The following TENM4 variants were observed in gnomAD, a reference collection of about 807,000 sequenced individuals.
TENM4 encodes teneurin-4.
Under a neutral mutation model 243.3 loss-of-function variants are expected in TENM4, and 82 were observed. The ratio of observed to expected loss-of-function variants is 0.34; its 90% CI spans 0.28 to 0.40. The LOEUF (loss-of-function observed/expected upper bound fraction) is 0.40, where lower values mean the gene tolerates loss of function less well. Among genes scored for constraint, TENM4 ranks in the 10% least tolerant of loss-of-function variants. The pLI is 1.00. For synonymous variants in TENM4, 1,412 were observed against 1,456.3 expected (o/e 0.97, Z 0.69); for missense variants, 3,138 against 3,673.3 (o/e 0.85, Z 3.77).
At chr11:79,157,870 G>A (rs1862656317) in intron 3 of TENM4, among the ~76,000 whole-genome samples, 2 of 152,166 alleles carry the variant, frequency 1.3e-5, no homozygotes, top group Admixed American at 1.3e-4. Flanking sequence ...ACAGCAGCAG[G>A]GAACCAGCAA....
intron 23 of TENM4, among the ~76,000 whole-genome samples, chr11:78,724,614 T>C (rs930391316): frequency 6.6e-6 from 1 of 152,194 alleles, no homozygotes; most frequent in Non-Finnish European, 1.5e-5. Context: ...ACACATGGTA[T>C]GTGGCAGAAA....
chr11:78,988,020 T>C (rs1311291332), intron 6 of TENM4, among the ~76,000 whole-genome samples: 1 of 152,228 alleles, frequency 6.6e-6, no homozygotes, highest in African/African-American at 2.4e-5. Flanking sequence ...CTTCACTTTC[T>C]GATATTCACG....
At position 79,177,377 on chromosome 11, in the gene TENM4, CT is replaced by C. The variant is rs568568755; in HGVS notation, c.-162-28572del. On this transcript the variant is annotated intron_variant, in intron 3 of 33. Transcript: ENST00000278550. ...CCCTCCCCTCCTTTCCTCTCCTTTTCTTTTTTTTTCTTTTCTTTCCTTTTCC... is the reference window on the plus strand; with the variant it reads ...CCCTCCCCTCCTTTCCTCTCCTTTTCTTTTTTTTCTTTTCTTTCCTTTTCC... 1.1e-4 allele frequency among the ~76,000 whole-genome samples: 17 copies of C among 150,918 alleles called. No homozygotes were observed. In the South Asian group the frequency reaches 1.5e-3, roughly 13 times the overall value.
intron 1 of TENM4, among the ~76,000 whole-genome samples, chr11:79,401,757 T>A (rs1858466819): frequency 1.3e-5 from 2 of 152,208 alleles, no homozygotes; most frequent in South Asian, 4.1e-4. Flanking sequence ...GGATCTTTGA[T>A]CTGGGGGACC....
chr11:79,024,237 C>T (rs913918553), intron 6 of TENM4, among the ~76,000 whole-genome samples: 9 of 152,196 alleles, frequency 5.9e-5, no homozygotes, highest in Non-Finnish European at 2.9e-5. Context: ...CCTCTGTTGG[C>T]TGTGCCTCAG....
intron 1 of TENM4, among the ~76,000 whole-genome samples, chr11:79,317,769 G>A (rs895430281): frequency 6.6e-6 from 1 of 152,136 alleles, no homozygotes; most frequent in Non-Finnish European, 1.5e-5. Context: ...ACGCCCCAAT[G>A]TCCCAAAATA....
At chr11:78,999,027 G>A (rs1033523720) in intron 6 of TENM4, among the ~76,000 whole-genome samples, 1 of 152,142 alleles carries the variant, frequency 6.6e-6, no homozygotes, top group Non-Finnish European at 1.5e-5. Flanking sequence ...ATCTCCATTG[G>A]CAGAACATCT....
Position 79,440,840 on chromosome 11 carries a change from T to A in TENM4, c.-652A>T, listed in dbSNP as rs1014863306. ...GAGGCTTCTGGGGGGTTGGGGCGGG[T>A]GTGTGCGCGCGCGTGTGTGAGTGTG... is the stretch of plus-strand genomic sequence containing the variant. On this transcript the variant is annotated 5_prime_UTR_variant, in exon 1 of 34. Transcript: ENST00000278550. The surrounding 1 kb of genome is among the most constrained non-coding windows in gnomAD (Gnocchi z 4.7). The A allele has an allele frequency of 7.2e-6, 1 of 139,596 alleles. No individual in the cohort carries two copies. The highest frequency in any genetic ancestry group is 1.5e-5 in the Non-Finnish European group (1 of 64,682). 8.6% of individuals were successfully genotyped at this position (139,596 alleles called of 1,614,324 possible). A position where few individuals can be genotyped will look rare whatever the true frequency, so the allele number is the denominator to read the frequency against.
chr11:79,433,779 G>A (rs1471672853), intron 1 of TENM4, among the ~76,000 whole-genome samples: 1 of 152,148 alleles, frequency 6.6e-6, no homozygotes, highest in Non-Finnish European at 1.5e-5. Flanking sequence ...GCTCTGATTT[G>A]ATGTTCAGAA....
chr11:79,279,641 CTCTCTACTCTT>C lies in TENM4; in HGVS notation c.-265+17836_-265+17846del, dbSNP rs1856121071. ...TCCTATCCCACTGCCCCATAGCTGC[CTCTCTACTCTT>C]TATTCCTGTTCCACTGAGCCTCTCC... On this transcript the variant is annotated intron_variant, in intron 2 of 33. Transcript: ENST00000278550. Among the ~76,000 whole-genome samples, 3 of 152,124 alleles carry C rather than the reference CTCTCTACTCTT, an allele frequency of 2.0e-5. No individual in the cohort carries two copies. The South Asian group carries it at 6.2e-4, about 32-fold the overall frequency.
intron 6 of TENM4, among the ~76,000 whole-genome samples, chr11:78,943,195 C>T (rs1856940424): frequency 6.6e-6 from 1 of 152,184 alleles, no homozygotes; most frequent in Non-Finnish European, 1.5e-5. Context: ...TAGGTGGCAA[C>T]CCCCAAGCTA....
chr11:79,218,226 C>A (rs1171687991), intron 2 of TENM4, among the ~76,000 whole-genome samples: 1 of 64,344 alleles, frequency 1.6e-5, no homozygotes, highest in Non-Finnish European at 4.0e-5. Context: ...GAAGTTTACC[C>A]CCTGCCCACC....
intron 3 of TENM4, among the ~76,000 whole-genome samples, chr11:79,172,387 A>G (rs1863064726): frequency 6.6e-6 from 1 of 152,180 alleles, no homozygotes; most frequent in Non-Finnish European, 1.5e-5. Context: ...TCACTTATCC[A>G]TTTATTCAAC....
intron 4 of TENM4, among the ~76,000 whole-genome samples, chr11:79,132,307 C>CT (rs1336248036): frequency 1.6e-5 from 2 of 123,788 alleles, no homozygotes; most frequent in Non-Finnish European, 1.6e-5. Flanking sequence ...GATAGCGCCA[C>CT]TGCAGTCTGG....
chr11:78,832,083 G>C (rs1017549415), intron 12 of TENM4, among the ~76,000 whole-genome samples: 1 of 152,194 alleles, frequency 6.6e-6, no homozygotes, highest in African/African-American at 2.4e-5. Flanking sequence ...CAGCTGGGTG[G>C]CTGCAGAACC....
At chr11:79,225,571 C>G (rs1864247376) in intron 2 of TENM4, among the ~76,000 whole-genome samples, 1 of 152,134 alleles carries the variant, frequency 6.6e-6, no homozygotes, top group Non-Finnish European at 1.5e-5. Flanking sequence ...ACCATGCTGG[C>G]TACTTTTTTT....
intron 1 of TENM4, among the ~76,000 whole-genome samples, chr11:79,403,733 A>G (rs554053861): frequency 1.1e-4 from 16 of 152,294 alleles, no homozygotes; most frequent in African/African-American, 3.8e-4. Context: ...GCACATGAAG[A>G]ATCTGAGTCA....
intron 6 of TENM4, among the ~76,000 whole-genome samples, chr11:78,935,060 G>A (rs537310939): frequency 7.4e-4 from 97 of 131,404 alleles, no homozygotes; most frequent in Middle Eastern, 5.1e-3. Context: ...GCCGGACTGC[G>A]GACTGCAGTG....
chr11:79,394,822 T>G (rs1858307807), intron 1 of TENM4, among the ~76,000 whole-genome samples: 1 of 152,108 alleles, frequency 6.6e-6, no homozygotes, highest in Admixed American at 6.5e-5. Context: ...AACCACCCTG[T>G]GAAGACATGA....
Sources: gnomAD v4.1 joint callset for allele counts (sites outside exome capture counted in the v4.1 genomes callset) on GRCh38, gnomAD v4.1.1 for gene constraint, Gnocchi (gnomAD v3.1) non-coding constraint, MANE v1.5 for transcripts, NCBI Gene and HGNC (gene_info 2026-07-23, HGNC 2026-07-21) for gene names.